Variants in IPO11 observed in about 807,000 individuals in gnomAD.
The protein encoded by IPO11 is importin-11.
A neutral mutation model predicts 143.2 loss-of-function variants in IPO11; 66 were observed. That is an observed-to-expected ratio of 0.46 (90% CI 0.38 to 0.57). IPO11 has a LOEUF of 0.57. IPO11 is among the 20% of genes least tolerant of loss of function. The pLI, the probability that IPO11 is intolerant of heterozygous loss-of-function variation, is 0.00. For synonymous variants in IPO11, 385 were observed against 377.8 expected, an observed-to-expected ratio of 1.02 and a Z score of -0.22; for missense variants, 1,026 against 1,141.0, an observed-to-expected ratio of 0.90 and a Z score of 1.45.
At position 62,480,321 on chromosome 5, in the gene IPO11, A is replaced by G. The variant is rs1026148287; in HGVS notation, c.829-2780A>G. Among the ~76,000 whole-genome samples, 7 of 152,296 alleles carry G rather than the reference A, an allele frequency of 4.6e-5. 1 individual carries two copies. The South Asian group carries it at 1.0e-3, about 23-fold the overall frequency. On this transcript the variant is annotated intron_variant, in intron 9 of 29. Coordinates refer to ENST00000325324, the MANE Select transcript of IPO11 (RefSeq NM_016338.5). ...ATATCTCTGTTTTCGTACCAGTACC[A>G]TGCTGTTTTGGTTACTGTAGCCTTG...
intron 29 of IPO11, among the ~76,000 whole-genome samples, chr5:62,614,664 C>T (rs1226864578): frequency 6.6e-6 from 1 of 152,158 alleles, no homozygotes; most frequent in East Asian, 1.9e-4. Context: ...AGCCCCATGA[C>T]AACATCCAGA....
intron 20 of IPO11, among the ~76,000 whole-genome samples, chr5:62,523,773 GTAGT>G (rs1359100544): frequency 6.6e-6 from 1 of 152,158 alleles, no homozygotes; most frequent in African/African-American, 2.4e-5. Context: ...ATAATGTGCT[GTAGT>G]TAGTTGATTG....
chr5:62,582,105 G>A (rs529154831), intron 27 of IPO11, among the ~76,000 whole-genome samples: 38 of 152,112 alleles, frequency 2.5e-4, no homozygotes, highest in Non-Finnish European at 4.1e-4. Flanking sequence ...TTATCTTGAG[G>A]GCAACAGAGA....
chr5:62,530,593 C>T (rs1329950879), intron 21 of IPO11, 116 bp from the exon 22 acceptor site: 2 of 599,468 alleles, frequency 3.3e-6, no homozygotes, highest in South Asian at 2.4e-5. Context: ...TATAACTTAA[C>T]TGATTATACA....
intron 15 of IPO11, among the ~76,000 whole-genome samples, 184 bp downstream of exon 15, chr5:62,490,404 T>C (rs1051794143): frequency 6.6e-6 from 1 of 152,196 alleles, no homozygotes; most frequent in South Asian, 2.1e-4. Flanking sequence ...TCAGGTAGTT[T>C]GCAGGAGAAA....
At chr5:62,544,506 C>G (rs1052855400) in intron 24 of IPO11, among the ~76,000 whole-genome samples, 1 of 152,104 alleles carries the variant, frequency 6.6e-6, no homozygotes, top group Non-Finnish European at 1.5e-5. Context: ...ACTGAATGGG[C>G]AAAAACTGGA....
At chr5:62,499,130 C>T (rs1045251906) in intron 16 of IPO11, among the ~76,000 whole-genome samples, 14 of 152,064 alleles carry the variant, frequency 9.2e-5, no homozygotes, top group Admixed American at 4.6e-4. Flanking sequence ...TGTTTCATGA[C>T]GGGTATATTC....
intron 1 of IPO11, chr5:62,413,371 A>G (rs904905038): frequency 2.6e-5 from 4 of 152,210 alleles, no homozygotes; most frequent in Admixed American, 6.5e-5. Context: ...AGCTTTAAAC[A>G]TTAGACCCTT....
At chr5:62,619,232 A>G (rs916343600) in intron 29 of IPO11, among the ~76,000 whole-genome samples, 1 of 152,160 alleles carries the variant, frequency 6.6e-6, no homozygotes, top group Admixed American at 6.5e-5. Flanking sequence ...CTGTTTCTAA[A>G]ATGAAAAATT....
At chr5:62,572,318 T>A (rs971367276) in intron 27 of IPO11, among the ~76,000 whole-genome samples, 1 of 152,222 alleles carries the variant, frequency 6.6e-6, no homozygotes, top group Non-Finnish European at 1.5e-5. Flanking sequence ...ATATCATTCT[T>A]CTGTCCTTTC....
chr5:62,485,516 C>A lies in IPO11; in HGVS notation c.1218+54C>A, dbSNP rs1363487294. On this transcript the variant is annotated intron_variant, in intron 12 of 29. Transcript: ENST00000325324. ...AGGGGAAAGCTTAATCTTTCTAAAGCTCTTAGTAGAGAATGACACTCTATT... is the reference window on the plus strand; with the variant it reads ...AGGGGAAAGCTTAATCTTTCTAAAGATCTTAGTAGAGAATGACACTCTATT... The A allele has an allele frequency of 2.7e-5, 36 of 1,334,342 alleles. 1 individual carries two copies. The South Asian group carries it at 4.3e-4, about 16-fold the overall frequency. The allele number at this position is 1,334,342 out of a possible 1,614,324, so 82.7% of individuals were successfully genotyped here. A position where few individuals can be genotyped will look rare whatever the true frequency, so the allele number is the denominator to read the frequency against.
intron 22 of IPO11, among the ~76,000 whole-genome samples, chr5:62,535,805 A>G (rs75647301): frequency 6.6e-6 from 1 of 152,278 alleles, no homozygotes; most frequent in African/African-American, 2.4e-5. Context: ...AGAAAAAATA[A>G]TTTGTCTTAT....
chr5:62,561,291 C>CGGCCGGGCGCGGT, intron 27 of IPO11, 34 bp downstream of exon 27: 1 of 1,278,572 alleles, frequency 7.8e-7, no homozygotes, highest in Non-Finnish European at 1.1e-6. Context: ...TTGTTTCTTT[C>CGGCCGGGCGCGGT]AAGCATCAAA....
chr5:62,426,931 G>GTTTTTTTTTTTTTTTTTT (rs763031944), intron 1 of IPO11, among the ~76,000 whole-genome samples: 1 of 90,254 alleles, frequency 1.1e-5, no homozygotes, highest in Non-Finnish European at 2.1e-5. Context: ...TTTTCTTTCT[G>GTTTTTTTTTTTTTTTTTT]TTTTTTTTTT....
intron 24 of IPO11, among the ~76,000 whole-genome samples, chr5:62,540,019 G>A (rs1182546848): frequency 1.3e-5 from 2 of 152,160 alleles, no homozygotes; most frequent in African/African-American, 4.8e-5. Flanking sequence ...TTTTCTGTAT[G>A]TATGCCTGTT....
At chr5:62,452,716 T>C (rs1357599360) in intron 5 of IPO11, among the ~76,000 whole-genome samples, 1 of 123,766 alleles carries the variant, frequency 8.1e-6, no homozygotes, top group Non-Finnish European at 1.6e-5. Flanking sequence ...TGTTCTGTTT[T>C]TGGTGGGGTG....
chr5:62,591,466 A>G, intron 27 of IPO11, 111 bp from the exon 28 acceptor site: 2 of 632,660 alleles, frequency 3.2e-6, no homozygotes, highest in Admixed American at 3.6e-5. Context: ...TTTCTTTTGT[A>G]TTTCACAGCT....
intron 26 of IPO11, among the ~76,000 whole-genome samples, chr5:62,558,956 T>A (rs1190253555): frequency 6.6e-6 from 1 of 152,196 alleles, no homozygotes; most frequent in Non-Finnish European, 1.5e-5. Flanking sequence ...ATAGTTATAA[T>A]TACACTATAC....
intron 29 of IPO11, among the ~76,000 whole-genome samples, chr5:62,624,356 T>C (rs1441915598): frequency 6.6e-6 from 1 of 152,154 alleles, no homozygotes; most frequent in Admixed American, 6.5e-5. Context: ...TTTTAGACTA[T>C]ATAGGGTAAC....
Sources: gnomAD v4.1 joint callset for allele counts (sites outside exome capture counted in the v4.1 genomes callset) on GRCh38, gnomAD v4.1.1 for gene constraint, MANE v1.5 for transcripts, NCBI Gene and HGNC (gene_info 2026-07-23, HGNC 2026-07-21) for gene names.